The following DLGAP2 variants were observed in gnomAD, a reference collection of about 807,000 sequenced individuals.
DLGAP2 encodes disks large-associated protein 2.
In DLGAP2, 26 loss-of-function variants were observed where a neutral mutation model predicts 100.3. That is an observed-to-expected ratio of 0.26 (90% confidence interval 0.19 to 0.36). The LOEUF (loss-of-function observed/expected upper bound fraction) is 0.36. DLGAP2 is among the 10% of genes least tolerant of loss of function. The pLI is 1.00. For synonymous variants in DLGAP2, 886 were observed against 630.1 expected (o/e 1.41, Z -6.08); for missense variants, 1,858 against 1,453.2 (o/e 1.28, Z -4.53).
chr8:1,417,118 G>A (rs1182955610), intron 3 of DLGAP2, among the ~76,000 whole-genome samples: 2 of 84,656 alleles, frequency 2.4e-5, no homozygotes, highest in African/African-American at 6.3e-5. Context: ...GGAGACCCCC[G>A]TTCATTCATT....
In DLGAP2 at chr8:1,076,529, C is replaced by T. The variant is rs147548312; in HGVS notation, c.73+168563C>T. On this transcript the variant is annotated intron_variant, in intron 2 of 14. Transcript: ENST00000637795. ...CTGGGTTGGTCTCGGAAGATGGCCT[C>T]TGGGCTGTGATGCTCCGGCCAGGGC... Among the ~76,000 whole-genome samples the T allele has an allele frequency of 8.5e-5, 13 of 152,370 alleles. No individual in the cohort carries two copies. In the East Asian group the frequency reaches 2.1e-3, roughly 25 times the overall value.
intron 3 of DLGAP2, among the ~76,000 whole-genome samples, chr8:1,323,899 T>C (rs1337689508): frequency 6.6e-6 from 1 of 152,176 alleles, no homozygotes; most frequent in East Asian, 1.9e-4. Flanking sequence ...GTTTCCTAAT[T>C]ATTTGTTTAT....
At position 1,389,783 on chromosome 8, in the gene DLGAP2, C is replaced by T. The variant is rs192031132; in HGVS notation, c.107-111583C>T. 2.1e-3 allele frequency among the ~76,000 whole-genome samples: 315 copies of T among 152,152 alleles called. 2 individuals carry two copies. Among genetic ancestry groups the T allele is most frequent in the African/African-American group, 7.3e-3 (304 of 41,526 alleles). On this transcript the variant is annotated intron_variant, in intron 3 of 14. Transcript: ENST00000637795. ...GGGGACCTACAGGTACAACCCCGGG[C>T]GGAGACCCAGAGCGAGCCTTCCCTG...
intron 3 of DLGAP2, among the ~76,000 whole-genome samples, chr8:1,436,409 T>C (rs12677849): frequency 0.34 from 51,078 of 152,028 alleles, 9,580 homozygotes; most frequent in East Asian, 0.57. Context: ...CTGCCTGCTT[T>C]TATCCTAGCC....
At chr8:812,669 T>A (rs945604007) in intron 1 of DLGAP2, among the ~76,000 whole-genome samples, 1 of 152,226 alleles carries the variant, frequency 6.6e-6, no homozygotes, top group Non-Finnish European at 1.5e-5. Context: ...AATTATTAGC[T>A]ACAGATCCTT....
chr8:885,258 G>A (rs1797900405), intron 1 of DLGAP2, among the ~76,000 whole-genome samples: 1 of 152,164 alleles, frequency 6.6e-6, no homozygotes, highest in South Asian at 2.1e-4. Context: ...CTATCCATGA[G>A]GATGGAATGT....
At chr8:1,609,889 A>G (rs1283907495) in intron 6 of DLGAP2, among the ~76,000 whole-genome samples, 1 of 150,078 alleles carries the variant, frequency 6.7e-6, no homozygotes, top group Non-Finnish European at 1.5e-5. Flanking sequence ...TTCATAAAGC[A>G]AGTCCTGAGT....
At position 1,633,432 on chromosome 8, in the gene DLGAP2, CG is replaced by C. The variant is rs1357060988; in HGVS notation, c.1810+387del. 3.3e-4 allele frequency among the ~76,000 whole-genome samples: 50 copies of C among 152,132 alleles called. 1 individual carries two copies. The highest frequency in any genetic ancestry group is 6.0e-4 in the Non-Finnish European group (41 of 68,032). On this transcript the variant is annotated intron_variant, in intron 8 of 14. Transcript: ENST00000637795. ...TGACTCTCAGGCTGCCCTGTAGTGA[CG>C]TCCAGCCGGTCTCTTGCTCAGTAAG...
intron 5 of DLGAP2, among the ~76,000 whole-genome samples, chr8:1,560,585 C>T (rs1210029816): frequency 6.6e-6 from 1 of 152,204 alleles, no homozygotes; most frequent in African/African-American, 2.4e-5. Context: ...ACTCTAAGGA[C>T]ATGACCAGTC....
At chr8:1,276,416 C>G (rs541766165) in intron 3 of DLGAP2, among the ~76,000 whole-genome samples, 263 of 152,162 alleles carry the variant, frequency 1.7e-3, no homozygotes, top group Non-Finnish European at 3.0e-3. Flanking sequence ...GTTGGGAAAC[C>G]CACCCGGCTT....
intron 2 of DLGAP2, among the ~76,000 whole-genome samples, chr8:937,869 C>A (rs1799107111): frequency 6.6e-6 from 1 of 152,174 alleles, no homozygotes; most frequent in African/African-American, 2.4e-5. Flanking sequence ...AGTGTCCTGC[C>A]TTTTTGTGAC....
intron 1 of DLGAP2, among the ~76,000 whole-genome samples, chr8:781,197 A>C (rs953724681): frequency 3.3e-5 from 5 of 152,150 alleles, no homozygotes; most frequent in African/African-American, 1.2e-4. Context: ...AGTAAGGACT[A>C]TATTGCTCGG....
chr8:1,448,069 T>A (rs1279290353), intron 3 of DLGAP2, among the ~76,000 whole-genome samples: 1 of 152,220 alleles, frequency 6.6e-6, no homozygotes, highest in Admixed American at 6.5e-5. Flanking sequence ...TGAAGGGTTT[T>A]TTGTGTCTCT....
chr8:1,198,120 G>C (rs931376602), intron 2 of DLGAP2, among the ~76,000 whole-genome samples: 5 of 152,082 alleles, frequency 3.3e-5, no homozygotes, highest in African/African-American at 1.2e-4. Flanking sequence ...GTGTGTGCGT[G>C]TGTGCGTGTG....
At chr8:960,900 T>C (rs1162856812) in intron 2 of DLGAP2, among the ~76,000 whole-genome samples, 1 of 152,256 alleles carries the variant, frequency 6.6e-6, no homozygotes, top group Non-Finnish European at 1.5e-5. Context: ...AACTCAAAAA[T>C]TGTAAGTTGA....
At chr8:1,201,809 C>T (rs560896594) in intron 2 of DLGAP2, among the ~76,000 whole-genome samples, 4 of 152,286 alleles carry the variant, frequency 2.6e-5, no homozygotes, top group South Asian at 4.1e-4. Flanking sequence ...CCTCTGTGTA[C>T]GTGTGTGCGG....
At chr8:1,538,558 G>T (rs548211006) in intron 4 of DLGAP2, among the ~76,000 whole-genome samples, 2 of 152,204 alleles carry the variant, frequency 1.3e-5, no homozygotes, top group South Asian at 2.1e-4. Flanking sequence ...CGTGCAGGGC[G>T]CATTCTGTGC....
rs1369632347 is a variant in DLGAP2 at position 1,357,170 on chromosome 8, C to T, written c.106+98287C>T. ...CTTCACCAGTCTGTGGACCAGGAAACGAGCCGCTGGGGATCTCAGTCGCAA... is the reference window on the plus strand; with the variant it reads ...CTTCACCAGTCTGTGGACCAGGAAATGAGCCGCTGGGGATCTCAGTCGCAA... On this transcript the variant is annotated intron_variant, in intron 3 of 14. Transcript: ENST00000637795. Among the ~76,000 whole-genome samples, 5 of 152,234 alleles carry T rather than the reference C, an allele frequency of 3.3e-5. No individual in the cohort carries two copies. The South Asian group carries it at 6.2e-4, about 19-fold the overall frequency.
At chr8:1,509,012 T>G (rs960780182) in intron 4 of DLGAP2, among the ~76,000 whole-genome samples, 1 of 152,096 alleles carries the variant, frequency 6.6e-6, no homozygotes, top group African/African-American at 2.4e-5. Context: ...CAGCAAATTT[T>G]TAAATGGAAA....
Sources: gnomAD v4.1 joint callset for allele counts (sites outside exome capture counted in the v4.1 genomes callset) on GRCh38, gnomAD v4.1.1 for gene constraint, MANE v1.5 for transcripts, NCBI Gene and HGNC (gene_info 2026-07-23, HGNC 2026-07-21) for gene names.